Variants in TRPM3 observed in about 807,000 individuals in gnomAD.
TRPM3 encodes the protein long transient receptor potential channel 3.
In TRPM3, 77 loss-of-function variants were observed where a neutral mutation model predicts 181.2. The observed-to-expected ratio is 0.42, with a 90% CI of 0.35 to 0.51. TRPM3 has a LOEUF of 0.51. Ranked by LOEUF, TRPM3 falls within the 20% of genes least tolerant of loss-of-function variation. The pLI, the probability that TRPM3 is intolerant of heterozygous loss-of-function variation, is 0.01. For missense variants in TRPM3, 1,759 were observed against 2,196.7 expected, an observed-to-expected ratio of 0.80 and a Z score of 3.98; for synonymous variants, 745 against 796.4, an observed-to-expected ratio of 0.94 and a Z score of 1.09.
At chr9:71,057,269 C>A (rs540864408) in intron 1 of TRPM3, among the ~76,000 whole-genome samples, 1 of 152,012 alleles carries the variant, frequency 6.6e-6, no homozygotes, top group South Asian at 2.1e-4. Flanking sequence ...TCTTGGGACA[C>A]TTTCTCTACC....
At chr9:71,113,690 G>A (rs1440127666) in intron 1 of TRPM3, among the ~76,000 whole-genome samples, 1 of 152,126 alleles carries the variant, frequency 6.6e-6, no homozygotes. Context: ...AATGCTCTGT[G>A]AGCATGAGAA....
chr9:70,971,721 T>C (rs1289065842), intron 1 of TRPM3, among the ~76,000 whole-genome samples: 2 of 152,062 alleles, frequency 1.3e-5, no homozygotes, highest in South Asian at 2.1e-4. Flanking sequence ...GGGGAACATA[T>C]AGGACTGAGA....
chr9:71,044,684 T>A (rs2059215929), intron 1 of TRPM3, among the ~76,000 whole-genome samples: 1 of 152,200 alleles, frequency 6.6e-6, no homozygotes, highest in African/African-American at 2.4e-5. Flanking sequence ...TTTTTTTTCG[T>A]TTTTTGAGAC....
chr9:71,095,758 C>CAAAAAAAAAAAAAAAAAAAAAAA (rs34934062), intron 1 of TRPM3, among the ~76,000 whole-genome samples: 3 of 85,302 alleles, frequency 3.5e-5, no homozygotes, highest in Non-Finnish European at 4.7e-5. Flanking sequence ...GACTCTGTGT[C>CAAAAAAAAAAAAAAAAAAAAAAA]AAAAAAAAAA....
intron 1 of TRPM3, among the ~76,000 whole-genome samples, chr9:71,344,042 G>GATTAGATTAGATTAT (rs2091136366): frequency 1.3e-5 from 2 of 152,068 alleles, no homozygotes; most frequent in Non-Finnish European, 2.9e-5. Context: ...GATTAGATTA[G>GATTAGATTAGATTAT]ATTAGATTGA....
At chr9:70,811,809 CT>C (rs888563292) in intron 6 of TRPM3, among the ~76,000 whole-genome samples, 1 of 151,994 alleles carries the variant, frequency 6.6e-6, no homozygotes, top group East Asian at 1.9e-4. Context: ...CTTTTCTTTT[CT>C]TTTTAAAAGA....
At chr9:70,888,505 T>C (rs1402737295) in intron 1 of TRPM3, among the ~76,000 whole-genome samples, 1 of 152,096 alleles carries the variant, frequency 6.6e-6, no homozygotes, top group Non-Finnish European at 1.5e-5. Context: ...CTATTTTTTA[T>C]TAGAAGGGTT....
At chr9:71,016,269 T>G (rs1181077652) in intron 1 of TRPM3, among the ~76,000 whole-genome samples, 1 of 151,802 alleles carries the variant, frequency 6.6e-6, no homozygotes, top group Non-Finnish European at 1.5e-5. Flanking sequence ...TATCTGTGTG[T>G]GTATAATGTA....
At chr9:71,356,106 A>G (rs4289879) in intron 1 of TRPM3, among the ~76,000 whole-genome samples, 1 of 151,904 alleles carries the variant, frequency 6.6e-6, no homozygotes, top group East Asian at 1.9e-4. Context: ...CCACTCTTGA[A>G]ATCAAGCCAA....
intron 1 of TRPM3, among the ~76,000 whole-genome samples, chr9:71,200,329 C>G (rs1052453801): frequency 7.9e-5 from 12 of 151,366 alleles, no homozygotes; most frequent in African/African-American, 2.9e-4. Context: ...TGGTGTGGTG[C>G]TGAAAAAAAT....
intron 1 of TRPM3, among the ~76,000 whole-genome samples, chr9:71,334,368 A>G (rs766477319): frequency 6.6e-6 from 1 of 151,858 alleles, no homozygotes; most frequent in Non-Finnish European, 1.5e-5. Flanking sequence ...TGTGGTTAAC[A>G]TACATGAGTT....
chr9:70,563,073 C>G (rs1564339902), intron 22 of TRPM3, among the ~76,000 whole-genome samples: 1 of 152,218 alleles, frequency 6.6e-6, no homozygotes, highest in Non-Finnish European at 1.5e-5. Context: ...GTGACCCACA[C>G]AGAACCTTGG....
At chr9:71,317,678 T>C (rs1004807347) in intron 1 of TRPM3, among the ~76,000 whole-genome samples, 8 of 148,894 alleles carry the variant, frequency 5.4e-5, no homozygotes, top group African/African-American at 2.0e-4. Context: ...TATATATATA[T>C]ACACACACAC....
At chr9:70,811,367 T>C in intron 6 of TRPM3, 1 of 774,624 alleles carries the variant, frequency 1.3e-6, no homozygotes, top group African/African-American at 1.7e-5. Context: ...AGTTGCACAG[T>C]GAAACCTATG....
At chr9:71,144,066 G>T (rs745445054) in intron 1 of TRPM3, among the ~76,000 whole-genome samples, 2 of 152,044 alleles carry the variant, frequency 1.3e-5, no homozygotes, top group Admixed American at 1.3e-4. Context: ...TTTTGAATTG[G>T]TTAGTTCTCA....
chr9:70,569,785 T>C (rs2051696450), intron 22 of TRPM3, among the ~76,000 whole-genome samples: 1 of 152,232 alleles, frequency 6.6e-6, no homozygotes, highest in Non-Finnish European at 1.5e-5. Context: ...GCCAGCTGGG[T>C]AGAGCAGGGC....
chr9:71,238,032 C>T (rs181278909), intron 1 of TRPM3, among the ~76,000 whole-genome samples: 21 of 152,190 alleles, frequency 1.4e-4, no homozygotes, highest in Admixed American at 1.4e-3. Context: ...GAGGGTACAG[C>T]GTGTATCTGT....
Position 70,827,587 on chromosome 9 carries a change from A to C in TRPM3, c.973+260T>G. The C allele has an allele frequency of 1.5e-5, 5 of 339,982 alleles. No homozygotes were observed. In the South Asian group the frequency reaches 2.9e-4, roughly 20 times the overall value. 21.1% of individuals were successfully genotyped at this position (339,982 alleles called of 1,614,324 possible). On this transcript the variant is annotated intron_variant, in intron 6 of 25. Coordinates refer to ENST00000677713, the MANE Select transcript of TRPM3 (RefSeq NM_001366145.2). ...AAGTCTGAAGAGAAAGCTTATCTGC[A>C]TACACATACCCCAGATGGAGTTGAA...
intron 1 of TRPM3, among the ~76,000 whole-genome samples, chr9:71,418,934 A>C (rs2093684401): frequency 6.7e-6 from 1 of 148,568 alleles, no homozygotes. Context: ...GTGTGTATAT[A>C]TATATATGTA....
Sources: gnomAD v4.1 joint callset for allele counts (sites outside exome capture counted in the v4.1 genomes callset) on GRCh38, gnomAD v4.1.1 for gene constraint, MANE v1.5 for transcripts, NCBI Gene and HGNC (gene_info 2026-07-23, HGNC 2026-07-21) for gene names.